ISM1: variants seen among roughly 807,000 people sequenced by gnomAD.
The protein encoded by ISM1 is isthmin 1, also known as isthmin-1.
In ISM1, 25 loss-of-function variants were observed where a neutral mutation model predicts 46.3. The observed-to-expected ratio is 0.54, with a 90% CI of 0.39 to 0.75. ISM1 has a LOEUF of 0.75. Among genes scored for constraint, ISM1 ranks in the 30% least tolerant of loss-of-function variants. ISM1 has a pLI of 0.00. For missense variants in ISM1, 536 were observed against 625.4 expected (o/e 0.86, Z 1.52); for synonymous variants, 255 against 256.7 (o/e 0.99, Z 0.06).
chr20:13,266,648 C>T (rs1384271698), intron 1 of ISM1, among the ~76,000 whole-genome samples: 3 of 152,220 alleles, frequency 2.0e-5, no homozygotes, highest in Non-Finnish European at 4.4e-5. Flanking sequence ...TGAGCAGGCC[C>T]CCTTGTGTCA....
intron 2 of ISM1, among the ~76,000 whole-genome samples, chr20:13,275,469 C>G (rs2040168067): frequency 6.6e-6 from 1 of 152,212 alleles, no homozygotes; most frequent in African/African-American, 2.4e-5. Flanking sequence ...CTCAGATTCT[C>G]ATGGGGTACT....
At chr20:13,222,043 A>AT in intron 1 of ISM1, 129 bp downstream of exon 1, 1 of 937,242 alleles carries the variant, frequency 1.1e-6, no homozygotes, top group East Asian at 3.4e-5. Context: ...CTGTTTTGGC[A>AT]GTAGTTTTGC....
At chr20:13,292,329 T>C (rs749186194) in intron 4 of ISM1, 45 bp from the exon 5 acceptor site, 1 of 1,291,538 alleles carries the variant, frequency 7.7e-7, no homozygotes, top group South Asian at 1.3e-5. Flanking sequence ...GGGAGATAAC[T>C]TTTTCCATGT....
chr20:13,288,435 C>T, intron 3 of ISM1, 105 bp from the exon 4 acceptor site: 1 of 1,242,350 alleles, frequency 8.0e-7, no homozygotes, highest in Non-Finnish European at 1.1e-6. Flanking sequence ...GCAATCCCCT[C>T]CCACAGCGAG....
At chr20:13,272,435 G>C (rs2040126405) in intron 2 of ISM1, among the ~76,000 whole-genome samples, 1 of 152,194 alleles carries the variant, frequency 6.6e-6, no homozygotes, top group Admixed American at 6.5e-5. Flanking sequence ...CAATAAATTA[G>C]ATCTGTGTGA....
the ISM1 span, among the ~76,000 whole-genome samples, chr20:13,313,874 T>C: frequency 1.3e-5 from 2 of 152,216 alleles, no homozygotes; most frequent in Non-Finnish European, 2.9e-5. Flanking sequence ...AGGGCTCTAA[T>C]GAATAAAGTT....
chr20:13,268,348 CTCTCTCTCTCTCTCTCTCT>C (rs2040072014), intron 1 of ISM1, among the ~76,000 whole-genome samples: 3 of 820 alleles, frequency 3.7e-3, no homozygotes, highest in African/African-American at 5.8e-3. Flanking sequence ...CTTCTTCTTC[CTCTCTCTCTCTCTCTCTCT>C]CTCTCTCTCT....
Position 13,221,914 on chromosome 20 carries a change from G to T in ISM1, c.138G>T (p.Gln46His). The change falls in exon 1 of 6, where the codon CAG becomes CAT. Residue 46 changes from glutamine to histidine, a missense_variant and splice_region_variant. Physicochemically the swap from Gln to His is conservative, Grantham distance 24. Transcript: ENST00000262487. ...GCAACGCCAGCCAAGCCCAGCTGCA[G>T]GTGAGTGCGCCGCCGGAGAGGGCCG... ...AAGNASQAQL[Q>H]NNLNVGSDTT... The T allele has an allele frequency of 7.4e-7, 1 of 1,347,144 alleles. No homozygotes were observed. Among genetic ancestry groups the T allele is most frequent in the African/African-American group, 1.5e-5 (1 of 65,348 alleles). 83.4% of individuals were successfully genotyped at this position (1,347,144 alleles called of 1,614,324 possible).
the ISM1 span, among the ~76,000 whole-genome samples, chr20:13,321,095 A>T: frequency 6.6e-6 from 1 of 151,854 alleles, no homozygotes. Flanking sequence ...GCAACTCAGG[A>T]GGCTGAGGCA....
chr20:13,285,740 G>A (rs981514529), intron 3 of ISM1, among the ~76,000 whole-genome samples: 8 of 152,252 alleles, frequency 5.3e-5, no homozygotes, highest in Admixed American at 2.0e-4. Context: ...TCACATAATC[G>A]GACACAATAT....
intron 1 of ISM1, among the ~76,000 whole-genome samples, chr20:13,235,591 AG>A (rs1478502161): frequency 2.0e-5 from 3 of 152,188 alleles, no homozygotes; most frequent in Admixed American, 2.0e-4. Flanking sequence ...AGCTGGAGAA[AG>A]CTCTCACATG....
rs114621709 is a variant in ISM1 at position 13,241,099 on chromosome 20, A to G, written c.138+19185A>G. Among the ~76,000 whole-genome samples the G allele has an allele frequency of 4.5e-3, 680 of 152,236 alleles. 2 individuals are homozygous for G. The highest frequency in any genetic ancestry group is 0.014 in the African/African-American group (576 of 41,526). On this transcript the variant is annotated intron_variant, in intron 1 of 5. Transcript: ENST00000262487. ...AGGACTTCTATCGAATGCTGCTGTG[A>G]GAACAAAAAAGATGAGGCCAGAGAA...
chr20:13,240,672 TG>T (rs529868528), intron 1 of ISM1, among the ~76,000 whole-genome samples: 131 of 152,350 alleles, frequency 8.6e-4, no homozygotes, highest in Non-Finnish European at 9.1e-4. Context: ...TGGCTCCATC[TG>T]ATCAGTGGAT....
At position 13,299,343 on chromosome 20, in the gene ISM1, A is replaced by G; in HGVS notation, c.1279A>G (p.Lys427Glu). The G allele has an allele frequency of 6.2e-7, 1 of 1,613,940 alleles. No homozygotes were observed. Among genetic ancestry groups the G allele is most frequent in the Non-Finnish European group, 8.5e-7 (1 of 1,179,894 alleles). ...GGACGTCCTGCCCTGGATTATCTGCAAGGGTGACTGGAGCAGGTATAACGA... is the reference window on the plus strand; with the variant it reads ...GGACGTCCTGCCCTGGATTATCTGCGAGGGTGACTGGAGCAGGTATAACGA... ...KVDVLPWIICKGDWSRYNEAR... is the reference protein window; with the variant it reads ...KVDVLPWIICEGDWSRYNEAR... The change falls in exon 6 of 6, where the codon AAG (lysine) becomes GAG (glutamate). Residue 427 changes from lysine (K) to glutamate (E), a missense_variant. By Grantham distance (56) the Lys-to-Glu change is moderately conservative (BLOSUM62 1). Coordinates refer to ENST00000262487, the MANE Select transcript of ISM1 (RefSeq NM_080826.2). This position sits in a 1 kb window ranked among gnomAD's most constrained non-coding sequence, Gnocchi z 5.8.
chr20:13,299,218 G>T lies in ISM1; in HGVS notation c.1154G>T (p.Cys385Phe). 6.2e-7 allele frequency: 1 copy of T among 1,600,280 alleles called. No homozygotes were observed. Among genetic ancestry groups the T allele is most frequent in the Non-Finnish European group, 8.5e-7 (1 of 1,173,430 alleles). Reference sequence around the variant, plus strand: ...AGCACCACGCTGGCGGCACAGCACTGCTGCTACGGCGACAACATGCAGCTC... The same window carrying T: ...AGCACCACGCTGGCGGCACAGCACTTCTGCTACGGCGACAACATGCAGCTC... ...LESTTLAAQH[C>F]CYGDNMQLIT... The change falls in exon 6 of 6, where the codon TGC becomes TTC. Residue 385 changes from cysteine (C) to phenylalanine (F), a missense_variant. Coordinates refer to ENST00000262487, the MANE Select transcript of ISM1 (RefSeq NM_080826.2). This position sits in a 1 kb window ranked among gnomAD's most constrained non-coding sequence, Gnocchi z 5.8.
At chr20:13,288,122 G>A (rs2040313424) in intron 3 of ISM1, among the ~76,000 whole-genome samples, 1 of 152,166 alleles carries the variant, frequency 6.6e-6, no homozygotes, top group Non-Finnish European at 1.5e-5. Flanking sequence ...CAGGCCTTAA[G>A]GTCAAGGCCA....
At chr20:13,294,247 G>A (rs1460221510) in intron 5 of ISM1, among the ~76,000 whole-genome samples, 1 of 152,148 alleles carries the variant, frequency 6.6e-6, no homozygotes, top group Non-Finnish European at 1.5e-5. Context: ...AAATGTCTAT[G>A]AGCCAAATTG....
intron 1 of ISM1, among the ~76,000 whole-genome samples, chr20:13,223,614 TG>T (rs1406585972): frequency 6.6e-6 from 1 of 152,200 alleles, no homozygotes; most frequent in East Asian, 1.9e-4. Flanking sequence ...AGCTTAAAGT[TG>T]TTTTAACTTT....
At chr20:13,252,962 C>T (rs1341366351) in intron 1 of ISM1, among the ~76,000 whole-genome samples, 1 of 152,160 alleles carries the variant, frequency 6.6e-6, no homozygotes, top group Non-Finnish European at 1.5e-5. Context: ...TAATCTTCTG[C>T]CAGACCTCTG....
Sources: allele counts gnomAD v4.1 joint callset (sites outside exome capture counted in the v4.1 genomes callset), GRCh38; gene constraint gnomAD v4.1.1; non-coding constraint Gnocchi (gnomAD v3.1); transcripts MANE v1.5; gene names NCBI Gene and HGNC (gene_info 2026-07-23, HGNC 2026-07-21).